Variants in IARS1 observed in about 807,000 individuals in gnomAD.
The protein encoded by IARS1 is isoleucyl-tRNA synthetase 1.
In IARS1, 124 loss-of-function variants were observed where a neutral mutation model predicts 168.2. The observed-to-expected ratio is 0.74, with a 90% CI of 0.64 to 0.86. The LOEUF (loss-of-function observed/expected upper bound fraction) is 0.86, where lower values mean the gene tolerates loss of function less well. Ranked by LOEUF, IARS1 falls within the 40% of genes least tolerant of loss-of-function variation. The pLI is 0.00. For synonymous variants in IARS1, 532 were observed against 529.4 expected, an observed-to-expected ratio of 1.00 and a Z score of -0.07; for missense variants, 1,452 against 1,515.8, an observed-to-expected ratio of 0.96 and a Z score of 0.70.
At chr9:92,266,551 T>C (rs767580530) in intron 14 of IARS1, among the ~76,000 whole-genome samples, 1 of 152,154 alleles carries the variant, frequency 6.6e-6, no homozygotes, top group Non-Finnish European at 1.5e-5. Context: ...CCCCAGCAAA[T>C]CTCAAGTTGA....
chr9:92,269,836 C>A, intron 13 of IARS1, 49 bp downstream of exon 13: 2 of 1,263,428 alleles, frequency 1.6e-6, no homozygotes, highest in Non-Finnish European at 2.3e-6. Context: ...ACCATACTTA[C>A]TAACCACATG....
At chr9:92,268,891 A>T (rs1452408587) in intron 13 of IARS1, among the ~76,000 whole-genome samples, 3 of 150,936 alleles carry the variant, frequency 2.0e-5, no homozygotes, top group Non-Finnish European at 4.4e-5. Flanking sequence ...CATCCCTCCC[A>T]CTCCCAGTAC....
At chr9:92,280,446 A>G (rs1834377053) in intron 7 of IARS1, among the ~76,000 whole-genome samples, 1 of 152,214 alleles carries the variant, frequency 6.6e-6, no homozygotes, top group African/African-American at 2.4e-5. Context: ...ACGTGATGCC[A>G]CATCGCTGAA....
At chr9:92,266,142 T>C (rs910518573) in intron 14 of IARS1, among the ~76,000 whole-genome samples, 1 of 152,204 alleles carries the variant, frequency 6.6e-6, no homozygotes, top group Non-Finnish European at 1.5e-5. Flanking sequence ...TCTTAAACAT[T>C]CATAGCCATA....
chr9:92,272,812 T>C (rs867953619), intron 10 of IARS1, among the ~76,000 whole-genome samples: 8 of 145,802 alleles, frequency 5.5e-5, no homozygotes, highest in African/African-American at 1.0e-4. Context: ...GATTGCACCA[T>C]TGCACTACAG....
chr9:92,234,460 G>A (rs1352799996), intron 30 of IARS1, among the ~76,000 whole-genome samples: 1 of 152,198 alleles, frequency 6.6e-6, no homozygotes, highest in Admixed American at 6.5e-5. Flanking sequence ...GGAGTTGAGA[G>A]CTCTTCTTTC....
rs556811415 is a variant in IARS1 at position 92,256,812 on chromosome 9, C to T, written c.2017-12G>A. On this transcript the variant is annotated splice_polypyrimidine_tract_variant and intron_variant, in intron 19 of 33. Transcript: ENST00000443024. ...TCTATTTCTTCCTCCTAGGAAGGAA[C>T]AATTAATGAAACACTGGCACACTTG... The T allele has an allele frequency of 6.9e-6, 11 of 1,603,898 alleles. No homozygotes were observed. Among genetic ancestry groups the T allele is most frequent in the Non-Finnish European group, 9.4e-6 (11 of 1,173,520 alleles).
At chr9:92,250,859 G>A (rs1829917858) in intron 22 of IARS1, 25 bp from the exon 23 acceptor site, 2 of 1,582,424 alleles carry the variant, frequency 1.3e-6, no homozygotes, top group Admixed American at 1.8e-5. Context: ...AGGACATCAT[G>A]TCAGTTATAT....
chr9:92,263,153 T>A, intron 16 of IARS1, 98 bp from the exon 17 acceptor site: 1 of 816,694 alleles, frequency 1.2e-6, no homozygotes, highest in Non-Finnish European at 2.0e-6. Flanking sequence ...TTTTGATAAG[T>A]CACACTTCTT....
Position 92,258,907 on chromosome 9 carries a change from G to A in IARS1, c.1963C>T (p.Pro655Ser), listed in dbSNP as rs1486097025. 2.5e-6 allele frequency: 4 copies of A among 1,613,896 alleles called. No homozygotes were observed. The highest frequency in any genetic ancestry group is 1.7e-5 in the Admixed American group (1 of 59,954). The change falls in exon 19 of 34, where the codon CCA becomes TCA. Residue 655 changes from proline to serine, a missense_variant. Coordinates refer to ENST00000443024, the MANE Select transcript of IARS1 (RefSeq NM_002161.6). ...AAGAAGCGATAGGCATTGTACCATG[G>A]GAGCAGTACATCCTTAAGGACGTCC... ...VRDVLKDVLLPWYNAYRFLIQ... is the reference protein window; with the variant it reads ...VRDVLKDVLLSWYNAYRFLIQ...
Position 92,265,512 on chromosome 9 carries a change from T to C in IARS1, c.1473A>G (p.Ser491=), listed in dbSNP as rs1196397881. The part of the protein sequence containing the change: ...IGSVAELEEL[S]GAKISDLHRE... ...TGTGGAGATCTGAGATCTTTGCTCC[T>C]GACAGTTCTTCAAGTTCCGCCACTG... The change falls in exon 15 of 34, where the codon TCA becomes TCG. Residue 491 remains serine (S), a synonymous_variant. Coordinates refer to ENST00000443024, the MANE Select transcript of IARS1 (RefSeq NM_002161.6). The C allele has an allele frequency of 6.2e-7, 1 of 1,614,074 alleles. No homozygotes were observed. The highest frequency in any genetic ancestry group is 8.5e-7 in the Non-Finnish European group (1 of 1,180,008).
intron 7 of IARS1, among the ~76,000 whole-genome samples, chr9:92,280,345 G>A (rs1834359432): frequency 6.6e-6 from 1 of 152,052 alleles, no homozygotes; most frequent in Non-Finnish European, 1.5e-5. Context: ...TTTAAATCTC[G>A]GAAAGGCCCT....
At chr9:92,234,272 G>C (rs1827155116) in intron 30 of IARS1, among the ~76,000 whole-genome samples, 1 of 152,032 alleles carries the variant, frequency 6.6e-6, no homozygotes, top group Non-Finnish European at 1.5e-5. Flanking sequence ...GAATCCAAAG[G>C]GTATAGAAAA....
intron 33 of IARS1, among the ~76,000 whole-genome samples, chr9:92,220,744 T>C (rs1839546606): frequency 6.6e-6 from 1 of 152,188 alleles, no homozygotes; most frequent in South Asian, 2.1e-4. Flanking sequence ...GGTGGGAGGA[T>C]CACTTGAAGG....
chr9:92,286,412 C>T (rs567417665), intron 5 of IARS1, 124 bp downstream of exon 5: 7 of 604,054 alleles, frequency 1.2e-5, no homozygotes, highest in African/African-American at 1.9e-5. Flanking sequence ...AAACCTGTTC[C>T]CAAAGATTTT....
At chr9:92,241,636 CCA>C (rs1479837855) in intron 29 of IARS1, among the ~76,000 whole-genome samples, 1 of 152,146 alleles carries the variant, frequency 6.6e-6, no homozygotes, top group Non-Finnish European at 1.5e-5. Flanking sequence ...GCCACTGTGC[CCA>C]GTCTAAATGA....
chr9:92,292,556 A>T (rs1836538588), intron 1 of IARS1: 1 of 155,582 alleles, frequency 6.4e-6, no homozygotes, highest in Admixed American at 6.5e-5. Flanking sequence ...TCCACTGGAG[A>T]GCTGTCCATG....
At chr9:92,282,602 C>T (rs994383561) in intron 6 of IARS1, among the ~76,000 whole-genome samples, 4 of 151,948 alleles carry the variant, frequency 2.6e-5, no homozygotes, top group Non-Finnish European at 5.9e-5. Flanking sequence ...GAGATCCCAT[C>T]TCTACAAAGA....
Position 92,246,948 on chromosome 9 carries a change from T to C in IARS1, c.2791+429A>G, listed in dbSNP as rs1587783293. Among the ~76,000 whole-genome samples the C allele has an allele frequency of 5.3e-5, 8 of 152,198 alleles. No homozygotes were observed. In the South Asian group the frequency reaches 1.7e-3, roughly 32 times the overall value. On this transcript the variant is annotated intron_variant, in intron 26 of 33. Coordinates refer to ENST00000443024, the MANE Select transcript of IARS1 (RefSeq NM_002161.6). Reference sequence around the variant, plus strand: ...TGGCACACACCTGTAATCCCAGCAATTTGGGGGACCGAAGGCGGGTGGATC... The same window carrying C: ...TGGCACACACCTGTAATCCCAGCAACTTGGGGGACCGAAGGCGGGTGGATC...
Sources: gnomAD v4.1 joint callset for allele counts (sites outside exome capture counted in the v4.1 genomes callset) on GRCh38, gnomAD v4.1.1 for gene constraint, MANE v1.5 for transcripts, NCBI Gene and HGNC (gene_info 2026-07-23, HGNC 2026-07-21) for gene names.